TMEM267: variants seen among roughly 807,000 people sequenced by gnomAD.
TMEM267 encodes the protein transmembrane protein C5orf28.
In TMEM267, 20 loss-of-function variants were observed where a neutral mutation model predicts 19.3. The ratio of observed to expected loss-of-function variants is 1.04; its 90% CI spans 0.73 to 1.51. TMEM267 has a LOEUF of 1.51. Ranked by LOEUF, TMEM267 falls within the 40% of genes most tolerant of loss-of-function variation. The pLI is 0.00. For synonymous variants in TMEM267, 88 were observed against 90.3 expected, an observed-to-expected ratio of 0.97 and a Z score of 0.15; for missense variants, 242 against 261.9, an observed-to-expected ratio of 0.92 and a Z score of 0.52.
At chr5:43,470,415 T>C (rs1044564571) in intron 1 of TMEM267, among the ~76,000 whole-genome samples, 3 of 152,236 alleles carry the variant, frequency 2.0e-5, no homozygotes, top group African/African-American at 7.2e-5. Flanking sequence ...GTGCTGGTAC[T>C]ACAGGTGTGA....
At chr5:43,478,072 A>G (rs1200845539) in intron 1 of TMEM267, among the ~76,000 whole-genome samples, 2 of 152,214 alleles carry the variant, frequency 1.3e-5, no homozygotes, top group African/African-American at 2.4e-5. Flanking sequence ...ATCTTCCTTC[A>G]CAATAGATTG....
chr5:43,472,654 A>G (rs1256232462), intron 1 of TMEM267, among the ~76,000 whole-genome samples: 1 of 152,242 alleles, frequency 6.6e-6, no homozygotes, highest in East Asian at 1.9e-4. Context: ...CATGGATGGA[A>G]CTGGAGAACA....
Position 43,451,220 on chromosome 5 carries a change from T to A in TMEM267, c.312+2438A>T, listed in dbSNP as rs370632228. On this transcript the variant is annotated intron_variant, in intron 2 of 2. Coordinates refer to ENST00000397080, the MANE Select transcript of TMEM267 (RefSeq NM_022483.5). ...AAGGTAAGTAATGTTATAATCCACA[T>A]ATTACAGATGAAGAAATTAAAACTT... Among the ~76,000 whole-genome samples, 2 of 152,198 alleles carry A rather than the reference T, an allele frequency of 1.3e-5. 1 individual carries two copies. Among genetic ancestry groups the A allele is most frequent in the African/African-American group, 4.8e-5 (2 of 41,528 alleles).
intron 1 of TMEM267, among the ~76,000 whole-genome samples, chr5:43,460,834 C>T (rs778608173): frequency 2.6e-5 from 4 of 152,226 alleles, no homozygotes; most frequent in Non-Finnish European, 4.4e-5. Flanking sequence ...TTTCTGCAAA[C>T]CTCGCCACTG....
At chr5:43,483,093 A>T (rs1008238513) in intron 1 of TMEM267, among the ~76,000 whole-genome samples, 1 of 152,224 alleles carries the variant, frequency 6.6e-6, no homozygotes, top group African/African-American at 2.4e-5. Context: ...TAAACTTAAT[A>T]TATTTAATTT....
At chr5:43,473,678 A>ATGTATCATGAAATATCATGAAAAT (rs1396480358) in intron 1 of TMEM267, among the ~76,000 whole-genome samples, 1 of 152,242 alleles carries the variant, frequency 6.6e-6, no homozygotes, top group Non-Finnish European at 1.5e-5. Flanking sequence ...GAAAATGGCC[A>ATGTATCATGAAATATCATGAAAAT]TACTGCCCAA....
rs869260304 is a variant in TMEM267, at chr5:43,480,797, C to CTTTTTTTTTTTT, written c.-75+3013_-75+3024dup. Reference sequence around the variant, plus strand: ...ATATATTTAAATGTTAATAATCTTACTTTTTTTTTTTTTTTTTTTTTTTGA... The same window carrying CTTTTTTTTTTTT: ...ATATATTTAAATGTTAATAATCTTACTTTTTTTTTTTTTTTTTTTTTTTTTTTTTTTTTTTGA... On this transcript the variant is annotated intron_variant, in intron 1 of 2. Coordinates refer to ENST00000397080, the MANE Select transcript of TMEM267 (RefSeq NM_022483.5). Among the ~76,000 whole-genome samples, 4 of 79,582 alleles carry CTTTTTTTTTTTT rather than the reference C, an allele frequency of 5.0e-5. 1 individual carries two copies. Among genetic ancestry groups the CTTTTTTTTTTTT allele is most frequent in the African/African-American group, 1.7e-4 (3 of 17,512 alleles). 52.2% of individuals were successfully genotyped at this position (79,582 alleles called of 152,430 possible).
intron 1 of TMEM267, among the ~76,000 whole-genome samples, chr5:43,466,513 T>C (rs960886983): frequency 2.6e-5 from 4 of 152,094 alleles, no homozygotes; most frequent in Non-Finnish European, 5.9e-5. Context: ...AGGGAGAACT[T>C]CAGTCAGAAA....
At chr5:43,468,941 A>G (rs567636779) in intron 1 of TMEM267, among the ~76,000 whole-genome samples, 1 of 152,242 alleles carries the variant, frequency 6.6e-6, no homozygotes, top group Non-Finnish European at 1.5e-5. Context: ...ATACAAATAC[A>G]TGGAAATAAA....
intron 1 of TMEM267, among the ~76,000 whole-genome samples, chr5:43,457,583 C>T (rs904618752): frequency 6.6e-6 from 1 of 152,128 alleles, no homozygotes; most frequent in African/African-American, 2.4e-5. Flanking sequence ...AGAACGAACT[C>T]ACTATCATGA....
intron 1 of TMEM267, among the ~76,000 whole-genome samples, chr5:43,475,271 A>G (rs555577823): frequency 1.1e-4 from 16 of 152,286 alleles, no homozygotes; most frequent in African/African-American, 3.9e-4. Flanking sequence ...CTAACAGAAC[A>G]GAAAACCAAA....
At chr5:43,465,967 T>C (rs1300924864) in intron 1 of TMEM267, among the ~76,000 whole-genome samples, 3 of 149,028 alleles carry the variant, frequency 2.0e-5, no homozygotes, top group Non-Finnish European at 4.5e-5. Context: ...TAATAAAATT[T>C]AAAAAAAAGA....
intron 1 of TMEM267, among the ~76,000 whole-genome samples, chr5:43,481,021 G>C (rs1744729177): frequency 6.7e-6 from 1 of 150,080 alleles, no homozygotes; most frequent in African/African-American, 2.4e-5. Flanking sequence ...AGCCAGGATG[G>C]TCTCGATCTC....
chr5:43,448,602 C>T (rs1742391249), intron 2 of TMEM267, among the ~76,000 whole-genome samples: 1 of 152,076 alleles, frequency 6.6e-6, no homozygotes, highest in Non-Finnish European at 1.5e-5. Context: ...CATGAAGAAA[C>T]CCCGTTTCTA....
At chr5:43,464,981 C>A (rs1343464528) in intron 1 of TMEM267, among the ~76,000 whole-genome samples, 1 of 152,150 alleles carries the variant, frequency 6.6e-6, no homozygotes, top group Non-Finnish European at 1.5e-5. Flanking sequence ...TAAAGAGCTT[C>A]TGCACAGCAA....
chr5:43,464,378 G>A (rs1743484977), intron 1 of TMEM267, among the ~76,000 whole-genome samples: 1 of 152,120 alleles, frequency 6.6e-6, no homozygotes, highest in Non-Finnish European at 1.5e-5. Flanking sequence ...TGGCCATACT[G>A]CCCAAGGTAA....
At chr5:43,452,520 AG>A (rs1185363552) in intron 2 of TMEM267, among the ~76,000 whole-genome samples, 3 of 151,818 alleles carry the variant, frequency 2.0e-5, no homozygotes, top group African/African-American at 7.3e-5. Context: ...GTACACTAAA[AG>A]CTCAGACTTT....
At chr5:43,482,665 G>C (rs547795495) in intron 1 of TMEM267, among the ~76,000 whole-genome samples, 1 of 152,138 alleles carries the variant, frequency 6.6e-6, no homozygotes, top group Admixed American at 6.5e-5. Context: ...TAGCTTCTCT[G>C]ACATAACTGA....
chr5:43,483,393 C>G (rs980271707), intron 1 of TMEM267, among the ~76,000 whole-genome samples: 3 of 152,216 alleles, frequency 2.0e-5, no homozygotes, highest in Non-Finnish European at 4.4e-5. Context: ...ATGTCACACT[C>G]TCAGCATTCA....
Sources: allele counts gnomAD v4.1 joint callset (sites outside exome capture counted in the v4.1 genomes callset), GRCh38; gene constraint gnomAD v4.1.1; transcripts MANE v1.5; gene names NCBI Gene and HGNC (gene_info 2026-07-23, HGNC 2026-07-21).